The following STAU1 variants were observed in gnomAD, a reference collection of about 807,000 sequenced individuals.
The protein encoded by STAU1 is double-stranded RNA-binding protein Staufen homolog 1.
STAU1 carries 13 observed loss-of-function variants against 62.9 expected under a neutral mutation model. The observed-to-expected ratio is 0.21, with a 90% confidence interval of 0.13 to 0.33. The LOEUF (loss-of-function observed/expected upper bound fraction) is 0.33, where lower values mean the gene tolerates loss of function less well. Among genes scored for constraint, STAU1 ranks in the 10% least tolerant of loss-of-function variants. The probability of loss-of-function intolerance (pLI) is 1.00; values close to 1 mark genes in which losing one functional copy is unlikely to be tolerated. For synonymous variants in STAU1, 269 were observed against 265.1 expected, an observed-to-expected ratio of 1.01 and a Z score of -0.14; for missense variants, 571 against 712.1, an observed-to-expected ratio of 0.80 and a Z score of 2.25.
At chr20:49,120,199 G>A in intron 8 of STAU1, 71 bp from the exon 9 acceptor site, 1 of 1,524,516 alleles carries the variant, frequency 6.6e-7, no homozygotes, top group Non-Finnish European at 8.9e-7. Context: ...GAATTGGTGT[G>A]TCAGCAAAAT....
intron 1 of STAU1, among the ~76,000 whole-genome samples, chr20:49,179,456 C>T (rs2093698476): frequency 6.6e-6 from 1 of 152,112 alleles, no homozygotes; most frequent in South Asian, 2.1e-4. Flanking sequence ...ACTTATTTGC[C>T]TAACTATATT....
chr20:49,202,365 C>T, the STAU1 span, among the ~76,000 whole-genome samples: 1 of 152,036 alleles, frequency 6.6e-6, no homozygotes, highest in Non-Finnish European at 1.5e-5. Flanking sequence ...AGTTCGAGAT[C>T]AGCCTGGCCA....
At chr20:49,146,589 C>A (rs758855359) in intron 5 of STAU1, among the ~76,000 whole-genome samples, 17 of 151,586 alleles carry the variant, frequency 1.1e-4, no homozygotes, top group Non-Finnish European at 2.4e-4. Context: ...ATAGTCCCAG[C>A]TACTTAGGAG....
the STAU1 span, among the ~76,000 whole-genome samples, chr20:49,213,031 G>T: frequency 6.6e-6 from 1 of 151,776 alleles, no homozygotes; most frequent in Non-Finnish European, 1.5e-5. Flanking sequence ...TTTGAGACAG[G>T]GTCTCGCTCT....
At chr20:49,195,549 AAAAAAAAAAAAAGAT>A in the STAU1 span, among the ~76,000 whole-genome samples, 10 of 142,022 alleles carry the variant, frequency 7.0e-5, no homozygotes, top group South Asian at 2.0e-3. Flanking sequence ...AAAAAAAAAA[AAAAAAAAAAAAAGAT>A]AGCAACAGAC....
the STAU1 span, among the ~76,000 whole-genome samples, chr20:49,194,429 CAAAAAAA>C: frequency 7.5e-4 from 61 of 81,138 alleles, no homozygotes; most frequent in African/African-American, 3.1e-3. Context: ...AACTCCGTCT[CAAAAAAA>C]AAAAAAAAAA....
intron 1 of STAU1, among the ~76,000 whole-genome samples, chr20:49,180,336 C>CCA (rs1307370653): frequency 6.6e-6 from 1 of 150,618 alleles, no homozygotes; most frequent in Non-Finnish European, 1.5e-5. Flanking sequence ...TTTTTTTCCC[C>CCA]CCCTGGATAC....
the STAU1 span, among the ~76,000 whole-genome samples, chr20:49,216,701 C>G: frequency 6.6e-6 from 1 of 151,690 alleles, no homozygotes; most frequent in Non-Finnish European, 1.5e-5. Flanking sequence ...TCCTTTTAGA[C>G]TTGGGTTTGG....
intron 6 of STAU1, among the ~76,000 whole-genome samples, chr20:49,129,070 T>C (rs2092694959): frequency 6.6e-6 from 1 of 151,618 alleles, no homozygotes; most frequent in Non-Finnish European, 1.5e-5. Context: ...GAGAAAAAAC[T>C]TGAATTCAGA....
upstream of STAU1, among the ~76,000 whole-genome samples, chr20:49,192,207 G>A (rs1345273848): frequency 6.6e-6 from 1 of 151,676 alleles, no homozygotes; most frequent in African/African-American, 2.4e-5. Context: ...TTAGCTGGGC[G>A]TGGTGGCAGG....
rs139147614 is a variant in STAU1, at chr20:49,124,474, G to A, written c.723C>T (p.Ala241=). 463 of 1,614,120 alleles carry A rather than the reference G, an allele frequency of 2.9e-4. 4 individuals carry two copies. The South Asian group carries it at 3.5e-3, about 12-fold the overall frequency. ...GKSKKISKKN[A]AIAVLEELKK... ...TCAGCTCCTCAAGAACAGCTATGGCGGCATTTTTCTTTGAAATCTTCTTGC... is the reference window on the plus strand; with the variant it reads ...TCAGCTCCTCAAGAACAGCTATGGCAGCATTTTTCTTTGAAATCTTCTTGC... Residue 241 remains alanine, a synonymous_variant, in exon 7 of 14, where the codon GCC becomes GCT. Coordinates refer to ENST00000371856, the MANE Select transcript of STAU1 (RefSeq NM_017453.4).
At chr20:49,208,041 CA>C in the STAU1 span, among the ~76,000 whole-genome samples, 1 of 151,884 alleles carries the variant, frequency 6.6e-6, no homozygotes, top group Non-Finnish European at 1.5e-5. Context: ...CCACCACACC[CA>C]GCTAATTTTT....
At chr20:49,118,546 A>AC in intron 9 of STAU1, 138 bp from the exon 10 acceptor site, 1 of 661,324 alleles carries the variant, frequency 1.5e-6, no homozygotes, top group Non-Finnish European at 2.6e-6. Context: ...GCCCCACCTG[A>AC]CCACTGGCAC....
Position 49,138,227 on chromosome 20 carries a change from G to C in STAU1, c.511-2296C>G, listed in dbSNP as rs1367606920. On this transcript the variant is annotated intron_variant, in intron 5 of 13. Transcript: ENST00000371856. ...GAGCCTAGGGTGTTGAGGCTGAGGTGGCTATGATCACGCCACTGCATTCTA... is the reference window on the plus strand; with the variant it reads ...GAGCCTAGGGTGTTGAGGCTGAGGTCGCTATGATCACGCCACTGCATTCTA... 2.0e-5 allele frequency among the ~76,000 whole-genome samples: 3 copies of C among 152,086 alleles called. No individual in the cohort carries two copies. In the East Asian group the frequency reaches 5.8e-4, roughly 29 times the overall value.
chr20:49,124,297 G>T, intron 7 of STAU1, 78 bp downstream of exon 7: 1 of 1,478,926 alleles, frequency 6.8e-7, no homozygotes, highest in Non-Finnish European at 9.3e-7. Context: ...TTCACCTTGG[G>T]GACAGCGACC....
chr20:49,183,553 TACTC>T (rs1028142799), intron 1 of STAU1, among the ~76,000 whole-genome samples: 8 of 152,210 alleles, frequency 5.3e-5, no homozygotes, highest in African/African-American at 1.9e-4. Flanking sequence ...ATTACACTCT[TACTC>T]AATCCAGTAA....
rs1568806157 is a variant in STAU1 at position 49,114,715 on chromosome 20, C to T, written c.*163G>A. The T allele has an allele frequency of 1.1e-5, 8 of 701,370 alleles. No individual in the cohort carries two copies. The highest frequency in any genetic ancestry group is 5.3e-5 in the South Asian group (3 of 56,836). The allele number at this position is 701,370 out of a possible 1,614,324, so 43.4% of individuals were successfully genotyped here. On this transcript the variant is annotated 3_prime_UTR_variant, in exon 14 of 14. Transcript: ENST00000371856. ...CAGCACAGTCCAGCCCGGCCACAGC[C>T]GCCTCCTTGTGTTTCTGTTGTCTTC...
intron 1 of STAU1, among the ~76,000 whole-genome samples, chr20:49,178,077 T>A (rs911289145): frequency 6.6e-5 from 10 of 152,084 alleles, no homozygotes; most frequent in African/African-American, 2.4e-4. Flanking sequence ...CTTGGAAGGC[T>A]GAGATGGGAG....
At chr20:49,123,721 C>CA (rs1462454628) in intron 7 of STAU1, among the ~76,000 whole-genome samples, 2 of 152,208 alleles carry the variant, frequency 1.3e-5, no homozygotes, top group Non-Finnish European at 2.9e-5. Flanking sequence ...AAGGAACCCT[C>CA]ACTCTGCTGA....
Sources: allele counts gnomAD v4.1 joint callset (sites outside exome capture counted in the v4.1 genomes callset), GRCh38; gene constraint gnomAD v4.1.1; transcripts MANE v1.5; gene names NCBI Gene and HGNC (gene_info 2026-07-23, HGNC 2026-07-21).